The following KCND3 variants were observed in gnomAD, a reference collection of about 807,000 sequenced individuals.
KCND3 encodes potassium voltage-gated channel subfamily D member 3, also known as A-type voltage-gated potassium channel KCND3.
KCND3 carries 9 observed loss-of-function variants against 51.1 expected under a neutral mutation model. That is an observed-to-expected ratio of 0.18 (90% CI 0.11 to 0.31). KCND3 has a LOEUF of 0.31. KCND3 is among the 10% of genes least tolerant of loss of function. The pLI is 1.00. For missense variants in KCND3, 526 were observed against 903.8 expected, an observed-to-expected ratio of 0.58 and a Z score of 5.36; for synonymous variants, 349 against 368.0, an observed-to-expected ratio of 0.95 and a Z score of 0.59.
chr1:111,918,746 G>A (rs2920584), intron 2 of KCND3, among the ~76,000 whole-genome samples: 61,757 of 151,900 alleles, frequency 0.41, 12,905 homozygotes, highest in African/African-American at 0.46. Flanking sequence ...AAGGAAGTAT[G>A]GGAAGTACTT....
chr1:111,955,397 G>A (rs1673278863), intron 2 of KCND3, among the ~76,000 whole-genome samples: 1 of 152,068 alleles, frequency 6.6e-6, no homozygotes, highest in Non-Finnish European at 1.5e-5. Context: ...CTGGGCAACG[G>A]AGCAAGACCC....
Position 111,918,588 on chromosome 1 carries a change from G to C in KCND3, c.1106+63033C>G, listed in dbSNP as rs755760363. Reference sequence around the variant, plus strand: ...ATGGTGGTAAGTCCATGGTGCTTTGGGGGCACAGAGGATTTGGGGAAGGGG... The same window carrying C: ...ATGGTGGTAAGTCCATGGTGCTTTGCGGGCACAGAGGATTTGGGGAAGGGG... On this transcript the variant is annotated intron_variant, in intron 2 of 7. Transcript: ENST00000302127. Among the ~76,000 whole-genome samples, 2 of 152,146 alleles carry C rather than the reference G, an allele frequency of 1.3e-5. 1 individual carries two copies. The highest frequency in any genetic ancestry group is 2.9e-5 in the Non-Finnish European group (2 of 68,034).
intron 3 of KCND3, among the ~76,000 whole-genome samples, chr1:111,781,665 A>G (rs1299928712): frequency 2.6e-5 from 4 of 152,120 alleles, no homozygotes; most frequent in African/African-American, 4.8e-5. Context: ...GATTACAGGC[A>G]CCCACCAACA....
At chr1:111,918,994 T>C (rs1671354794) in intron 2 of KCND3, among the ~76,000 whole-genome samples, 1 of 151,696 alleles carries the variant, frequency 6.6e-6, no homozygotes, top group Non-Finnish European at 1.5e-5. Context: ...AGAAGAAAGA[T>C]GACAAAATCA....
intron 5 of KCND3, among the ~76,000 whole-genome samples, 159 bp from the exon 6 acceptor site, chr1:111,778,651 A>C (rs1362547003): frequency 6.6e-6 from 1 of 151,600 alleles, no homozygotes; most frequent in African/African-American, 2.4e-5. Flanking sequence ...CTTCCTCCCA[A>C]CATTCCACCC....
chr1:111,890,457 G>C (rs1669776426), intron 2 of KCND3, among the ~76,000 whole-genome samples: 1 of 152,148 alleles, frequency 6.6e-6, no homozygotes, highest in African/African-American at 2.4e-5. Flanking sequence ...CCAGGCAGCT[G>C]GCAAGAGAAA....
chr1:111,871,204 G>A (rs116773064), intron 2 of KCND3, among the ~76,000 whole-genome samples: 1,815 of 152,320 alleles, frequency 0.012, 39 homozygotes, highest in African/African-American at 0.041. Flanking sequence ...GGTTCTGTAA[G>A]TAGAGAGTAA....
chr1:111,981,197 T>C lies in KCND3; in HGVS notation c.1106+424A>G, dbSNP rs531356564. The stretch of plus-strand genomic sequence containing the variant: ...CAAAAAGAGTGCTCTTGGTGTCTTC[T>C]GGTAATGGACATCTGAACCCTCCGA... On this transcript the variant is annotated intron_variant, in intron 2 of 7. Coordinates refer to ENST00000302127, the MANE Select transcript of KCND3 (RefSeq NM_001378969.1). This position sits in a 1 kb window ranked among gnomAD's most constrained non-coding sequence, Gnocchi z 6.2. Among the ~76,000 whole-genome samples the C allele has an allele frequency of 2.7e-4, 41 of 152,190 alleles. No individual in the cohort carries two copies. Among genetic ancestry groups the C allele is most frequent in the African/African-American group, 9.6e-4 (40 of 41,518 alleles).
chr1:111,796,802 C>T (rs866319267), intron 2 of KCND3, among the ~76,000 whole-genome samples: 1 of 152,164 alleles, frequency 6.6e-6, no homozygotes, highest in African/African-American at 2.4e-5. Flanking sequence ...ACCTAGAAAC[C>T]CTGCTGGGAG....
intron 1 of KCND3, chr1:111,989,141 C>G (rs1430349929): frequency 1.3e-5 from 2 of 152,336 alleles, no homozygotes; most frequent in African/African-American, 4.8e-5. Context: ...TTTCCACTTT[C>G]AGCCATTTCT....
At chr1:111,778,331 C>G in intron 6 of KCND3, 105 bp downstream of exon 6, 1 of 1,044,796 alleles carries the variant, frequency 9.6e-7, no homozygotes, top group Non-Finnish European at 1.5e-6. Context: ...CCAGAAGAAT[C>G]AGCAGCACAT....
chr1:111,984,949 A>G (rs1051621410), intron 1 of KCND3, among the ~76,000 whole-genome samples: 1 of 151,916 alleles, frequency 6.6e-6, no homozygotes, highest in Non-Finnish European at 1.5e-5. Flanking sequence ...AGCACCTATC[A>G]CCCCGCAGCT....
chr1:111,870,606 T>C (rs1668787200), intron 2 of KCND3, among the ~76,000 whole-genome samples: 1 of 152,138 alleles, frequency 6.6e-6, no homozygotes, highest in Admixed American at 6.5e-5. Flanking sequence ...AGAGCTTTGA[T>C]CTGTGCAGAG....
At chr1:111,830,050 G>T (rs190833201) in intron 2 of KCND3, among the ~76,000 whole-genome samples, 3 of 152,058 alleles carry the variant, frequency 2.0e-5, no homozygotes, top group African/African-American at 7.2e-5. Context: ...ATTATCCTCC[G>T]GTCCATCTTT....
intron 2 of KCND3, among the ~76,000 whole-genome samples, chr1:111,913,526 T>C (rs920845098): frequency 3.9e-5 from 6 of 152,124 alleles, no homozygotes; most frequent in Admixed American, 1.3e-4. Flanking sequence ...TTAACTTAAC[T>C]CTATACCAGA....
chr1:111,817,185 T>TA (rs34652868), intron 2 of KCND3, among the ~76,000 whole-genome samples: 92,398 of 144,320 alleles, frequency 0.64, 29,695 homozygotes, highest in Non-Finnish European at 0.71. Flanking sequence ...CACTAGTTAC[T>TA]AAAAAAAAAA....
intron 2 of KCND3, among the ~76,000 whole-genome samples, chr1:111,870,206 A>G (rs2101711956): frequency 6.6e-6 from 1 of 152,346 alleles, no homozygotes; most frequent in East Asian, 1.9e-4. Context: ...AGACCCAGCA[A>G]ATGATGGTGC....
chr1:111,801,457 G>A (rs772662959), intron 2 of KCND3, among the ~76,000 whole-genome samples: 3 of 152,216 alleles, frequency 2.0e-5, no homozygotes, highest in Non-Finnish European at 4.4e-5. Flanking sequence ...GTTCAGTCCT[G>A]CCTCTCCTCG....
chr1:111,975,737 C>T (rs887816030), intron 2 of KCND3, among the ~76,000 whole-genome samples: 2 of 152,202 alleles, frequency 1.3e-5, no homozygotes, highest in African/African-American at 2.4e-5. Context: ...GGCCTCATCT[C>T]CTGGTACTCT....
Sources: gnomAD v4.1 joint callset for allele counts (sites outside exome capture counted in the v4.1 genomes callset) on GRCh38, gnomAD v4.1.1 for gene constraint, Gnocchi (gnomAD v3.1) non-coding constraint, MANE v1.5 for transcripts, NCBI Gene and HGNC (gene_info 2026-07-23, HGNC 2026-07-21) for gene names.